Variants in FAM153A observed in about 807,000 individuals in gnomAD.
The protein encoded by FAM153A is protein FAM153A.
FAM153A carries 12 observed loss-of-function variants against 48.1 expected under a neutral mutation model. The ratio of observed to expected loss-of-function variants is 0.25; its 90% CI spans 0.16 to 0.40. The LOEUF (loss-of-function observed/expected upper bound fraction) is 0.40. Among genes scored for constraint, FAM153A ranks in the 10% least tolerant of loss-of-function variants. The pLI, the probability that FAM153A is intolerant of heterozygous loss-of-function variation, is 1.00. For synonymous variants in FAM153A, 36 were observed against 118.2 expected, an observed-to-expected ratio of 0.30 and a Z score of 4.51; for missense variants, 111 against 345.8, an observed-to-expected ratio of 0.32 and a Z score of 5.38.
chr5:177,776,569 C>A (rs1285815776), intron 1 of FAM153A, among the ~76,000 whole-genome samples: 1 of 83,894 alleles, frequency 1.2e-5, no homozygotes, highest in Admixed American at 1.3e-4. Flanking sequence ...TGTGAAGGAC[C>A]TCTTCAAGAA....
chr5:177,783,185 C>T (rs548923138), upstream of FAM153A: 1 of 108,862 alleles, frequency 9.2e-6, no homozygotes, highest in African/African-American at 3.6e-5. Context: ...CACCGCTGCT[C>T]GTGCCAGGAC....
chr5:177,709,627 C>T (rs563074153), downstream of FAM153A, among the ~76,000 whole-genome samples: 880 of 145,634 alleles, frequency 6.0e-3, 20 homozygotes, highest in African/African-American at 0.021. Flanking sequence ...TCCCAAAGTG[C>T]TGGGATTACA....
At chr5:177,752,618 C>CAA (rs71274705) in intron 1 of FAM153A, among the ~76,000 whole-genome samples, 510 of 30,958 alleles carry the variant, frequency 0.016, 4 homozygotes, top group East Asian at 0.032. Flanking sequence ...GAGACTCTGC[C>CAA]AAAAAAAAAA....
At chr5:177,711,771 T>C (rs1758516559) in exon 27 of FAM153A, 1 of 151,876 alleles carries the variant, frequency 6.6e-6, no homozygotes, top group African/African-American at 2.4e-5. Context: ...TGTAGGTTCC[T>C]GGATGGTATG....
downstream of FAM153A, among the ~76,000 whole-genome samples, chr5:177,707,700 CAG>C (rs1204817439): frequency 6.6e-6 from 1 of 151,708 alleles, no homozygotes; most frequent in East Asian, 1.9e-4. Context: ...GCTGGGATTA[CAG>C]TCATGCGCCA....
intron 13 of FAM153A, 31 bp downstream of exon 15, chr5:177,734,832 T>G: frequency 6.4e-7 from 1 of 1,568,116 alleles, no homozygotes; most frequent in South Asian, 1.2e-5. Context: ...AAAGCAACAG[T>G]TTTTTCTCAG....
chr5:177,749,995 G>A (rs1034684935), intron 2 of FAM153A, among the ~76,000 whole-genome samples: 1 of 148,556 alleles, frequency 6.7e-6, no homozygotes, highest in African/African-American at 2.5e-5. Context: ...AGCTCAGATG[G>A]TCTTCAGGCA....
At chr5:177,759,262 A>G (rs887885748) in intron 1 of FAM153A, among the ~76,000 whole-genome samples, 4 of 151,810 alleles carry the variant, frequency 2.6e-5, no homozygotes, top group Non-Finnish European at 5.9e-5. Context: ...TCAAAACCAC[A>G]ATGACATACC....
In FAM153A at chr5:177,738,105, C is replaced by T. The variant is rs193020766; in HGVS notation, c.563-993G>A. ...CCATCACGGGGGCAGCAGGTGGGGGCGCTGAACCTCTCCAACCCAGCTGTA... is the reference window on the plus strand; with the variant it reads ...CCATCACGGGGGCAGCAGGTGGGGGTGCTGAACCTCTCCAACCCAGCTGTA... On this transcript the variant is annotated intron_variant, in intron 10 of 20. Coordinates refer to ENST00000614127, the Ensembl canonical transcript of FAM153A. Among the ~76,000 whole-genome samples the T allele has an allele frequency of 4.9e-4, 74 of 150,672 alleles. 1 individual carries two copies. Among genetic ancestry groups the T allele is most frequent in the Admixed American group, 2.1e-3 (32 of 15,246 alleles).
intron 1 of FAM153A, among the ~76,000 whole-genome samples, chr5:177,764,677 A>G (rs574316969): frequency 1.2e-3 from 180 of 151,534 alleles, no homozygotes; most frequent in South Asian, 4.2e-4. Context: ...CTCGCCCCCA[A>G]TTAGAACAGC....
downstream of FAM153A, among the ~76,000 whole-genome samples, chr5:177,718,803 AAAAT>A (rs1332899589): frequency 9.6e-5 from 14 of 146,448 alleles, 1 homozygote; most frequent in Admixed American, 8.8e-4. Flanking sequence ...AATTAAGAAA[AAAAT>A]AAAGCAGGCC....
chr5:177,739,816 G>T, intron 8 of FAM153A, 146 bp from the exon 11 acceptor site: 1 of 103,964 alleles, frequency 9.6e-6, no homozygotes, highest in East Asian at 2.3e-4. Flanking sequence ...CCTTGGTGGT[G>T]CAGGCAGGCA....
chr5:177,701,638 C>T, the FAM153A span, among the ~76,000 whole-genome samples: 2 of 151,780 alleles, frequency 1.3e-5, no homozygotes, highest in African/African-American at 4.9e-5. Context: ...AATACAAGAA[C>T]AGACTAATAC....
At chr5:177,703,410 A>AC (rs1757622961), downstream of FAM153A, among the ~76,000 whole-genome samples, 1 of 151,542 alleles carries the variant, frequency 6.6e-6, no homozygotes, top group Non-Finnish European at 1.5e-5. Context: ...CTTGGAAGTA[A>AC]CTAACTTGTT....
intron 25 of FAM153A, among the ~76,000 whole-genome samples, chr5:177,715,962 C>T (rs1036704656): frequency 1.3e-4 from 19 of 151,368 alleles, no homozygotes; most frequent in African/African-American, 4.6e-4. Context: ...AGGAGTGAGC[C>T]ATCATGCCCA....
intron 13 of FAM153A, 152 bp downstream of exon 15, chr5:177,734,711 C>T (rs1333285155): frequency 3.4e-6 from 4 of 1,163,634 alleles, no homozygotes; most frequent in Non-Finnish European, 4.8e-6. Flanking sequence ...TAAATCAAGC[C>T]TCAGTGGGGA....
In FAM153A at chr5:177,728,477, C is replaced by A. The variant is rs1763050943; in HGVS notation, c.964+546G>T. ...TCCCTCCCAACTCTGATGTACTACCCCACCTTACATGACACTGCTGCTTCC... is the reference window on the plus strand; with the variant it reads ...TCCCTCCCAACTCTGATGTACTACCACACCTTACATGACACTGCTGCTTCC... On this transcript the variant is annotated intron_variant, in intron 18 of 20. Transcript: ENST00000614127. 1.3e-5 allele frequency among the ~76,000 whole-genome samples: 2 copies of A among 148,768 alleles called. 1 individual carries two copies. The highest frequency in any genetic ancestry group is 4.2e-4 in the South Asian group (2 of 4,732).
At chr5:177,703,677 A>G (rs1201738090), downstream of FAM153A, among the ~76,000 whole-genome samples, 16 of 85,162 alleles carry the variant, frequency 1.9e-4, no homozygotes, top group African/African-American at 8.3e-4. Context: ...GGGTGATTGG[A>G]CCCTGGAGGC....
intron 1 of FAM153A, among the ~76,000 whole-genome samples, chr5:177,760,013 T>A (rs1014008778): frequency 6.8e-6 from 1 of 147,184 alleles, no homozygotes; most frequent in Non-Finnish European, 1.5e-5. Context: ...GATGTTGCAT[T>A]TTTTTTCAGG....
Sources: allele counts gnomAD v4.1 joint callset (sites outside exome capture counted in the v4.1 genomes callset), GRCh38; gene constraint gnomAD v4.1.1; transcripts MANE v1.5; gene names NCBI Gene and HGNC (gene_info 2026-07-23, HGNC 2026-07-21).